Variants in SNORC observed in about 807,000 individuals in gnomAD.
SNORC encodes the protein protein SNORC.
A neutral mutation model predicts 9.7 loss-of-function variants in SNORC; 11 were observed. That is an observed-to-expected ratio of 1.14 (90% CI 0.72 to 1.88). The LOEUF (loss-of-function observed/expected upper bound fraction) is 1.88, where lower values mean the gene tolerates loss of function less well. SNORC is among the 40% of genes most tolerant of loss of function. The pLI is 0.00. For synonymous variants in SNORC, 108 were observed against 88.7 expected (o/e 1.22, Z -1.22); for missense variants, 197 against 173.1 (o/e 1.14, Z -0.77).
chr2:232,869,369 G>T (rs1441733661), upstream of SNORC, among the ~76,000 whole-genome samples: 1 of 152,182 alleles, frequency 6.6e-6, no homozygotes, highest in East Asian at 1.9e-4. Context: ...CAAGCCCTTA[G>T]CGCGGTGGGA....
At chr2:232,875,345 A>AAG (rs35523521) in intron 1 of SNORC, 15 of 208,794 alleles carry the variant, frequency 7.2e-5, no homozygotes, top group East Asian at 3.5e-4. Context: ...CTGTTTCAAA[A>AAG]AGAGAGAGAG....
At chr2:232,868,563 G>A (rs528655758), upstream of SNORC, among the ~76,000 whole-genome samples, 13 of 152,282 alleles carry the variant, frequency 8.5e-5, no homozygotes, top group African/African-American at 2.4e-4. Context: ...TAAAGTTGCC[G>A]GTCTTCACTA....
upstream of SNORC, among the ~76,000 whole-genome samples, chr2:232,867,551 T>A (rs944838939): frequency 1.3e-5 from 2 of 152,248 alleles, no homozygotes; most frequent in African/African-American, 4.8e-5. Flanking sequence ...ATACAATTCA[T>A]TGTCTTGAAA....
At chr2:232,878,643 G>C (rs1691371121), downstream of SNORC, 1 of 152,504 alleles carries the variant, frequency 6.6e-6, no homozygotes, top group Non-Finnish European at 1.5e-5. Flanking sequence ...TCACTACCTG[G>C]AACCAAACAC....
chr2:232,876,510 G>A, downstream of SNORC: 4 of 1,250,176 alleles, frequency 3.2e-6, no homozygotes, highest in Middle Eastern at 3.1e-4. This position sits in a 1 kb window ranked among gnomAD's most constrained non-coding sequence, Gnocchi z 6.8. Flanking sequence ...CGGGGCCGAG[G>A]GTGGGTGCCG....
At chr2:232,877,422 A>T, downstream of SNORC, 1 of 941,502 alleles carries the variant, frequency 1.1e-6, no homozygotes, top group Non-Finnish European at 1.3e-6. Flanking sequence ...CTTGGTCCCT[A>T]CCCCAGTCCC....
chr2:232,875,868 C>T (rs955184625), intron 1 of SNORC, 72 bp from the exon 2 acceptor site: 2 of 1,462,850 alleles, frequency 1.4e-6, no homozygotes, highest in Admixed American at 2.2e-5. Flanking sequence ...ACTTGCTTAA[C>T]CTAGAGGTGG....
chr2:232,878,122 G>C (rs1253479562), downstream of SNORC: 1 of 152,288 alleles, frequency 6.6e-6, no homozygotes, highest in South Asian at 2.1e-4. Context: ...TCTGAGGTCC[G>C]AGCACCCTGC....
At chr2:232,870,983 C>T (rs2592117) in intron 1 of SNORC, among the ~76,000 whole-genome samples, 94,339 of 152,064 alleles carry the variant, frequency 0.62, 29,550 homozygotes, top group East Asian at 0.67. Context: ...TGGGGTCCCA[C>T]GAGAGGGAGG....
At chr2:232,877,129 A>T, downstream of SNORC, 1 of 985,868 alleles carries the variant, frequency 1.0e-6, no homozygotes, top group Non-Finnish European at 1.2e-6. Flanking sequence ...AGGGAGCCTC[A>T]GGAGCAGGAT....
intron 1 of SNORC, 140 bp from the exon 2 acceptor site, chr2:232,875,800 G>A (rs1297074997): frequency 1.1e-6 from 1 of 915,456 alleles, no homozygotes; most frequent in Non-Finnish European, 1.6e-6. Flanking sequence ...TCTTAGCCTG[G>A]GAAATGTGAG....
upstream of SNORC, chr2:232,868,911 A>G (rs1690926985): frequency 6.6e-6 from 1 of 152,182 alleles, no homozygotes; most frequent in African/African-American, 2.4e-5. Flanking sequence ...TTCCCACACC[A>G]TGTTTCTATT....
chr2:232,875,121 C>T (rs1318157824), intron 1 of SNORC, among the ~76,000 whole-genome samples: 1 of 152,152 alleles, frequency 6.6e-6, no homozygotes, highest in Admixed American at 6.5e-5. Context: ...GGGTGTATCA[C>T]CTGAGGTCAG....
chr2:232,874,310 A>C (rs1159343618), intron 1 of SNORC, among the ~76,000 whole-genome samples: 1 of 152,188 alleles, frequency 6.6e-6, no homozygotes, highest in African/African-American at 2.4e-5. Flanking sequence ...TCCTAAGAAC[A>C]AGGACATTCT....
downstream of SNORC, chr2:232,877,794 A>C (rs901246777): frequency 6.6e-6 from 1 of 152,268 alleles, no homozygotes; most frequent in Admixed American, 6.5e-5. Context: ...AAGGAGTGCT[A>C]TGAAACTGAC....
intron 1 of SNORC, 48 bp from the exon 2 acceptor site, chr2:232,875,892 T>C: frequency 6.6e-7 from 1 of 1,506,462 alleles, no homozygotes; most frequent in Non-Finnish European, 8.9e-7. Flanking sequence ...GTGACGTCCC[T>C]GTCGGCCCCG....
At chr2:232,876,874 G>C, downstream of SNORC, 1 of 985,552 alleles carries the variant, frequency 1.0e-6, no homozygotes, top group Non-Finnish European at 1.2e-6. The surrounding 1 kb of genome is among the most constrained non-coding windows in gnomAD (Gnocchi z 6.8). Flanking sequence ...CGCTCCCCGG[G>C]GCCTGCCTCC....
chr2:232,873,113 A>G (rs547850648), intron 1 of SNORC, among the ~76,000 whole-genome samples: 44 of 152,240 alleles, frequency 2.9e-4, no homozygotes, highest in Non-Finnish European at 5.3e-4. Flanking sequence ...GGCGCACCCC[A>G]GGCCAGACGC....
In SNORC at chr2:232,876,378, C is replaced by T. The variant is rs778923366; in HGVS notation, c.*22C>T. ...CTGAAGCGAATAAAGGGGCCGCGCC[C>T]GGCCGCGGCGCGACTCGGCTGCACT... On this transcript the variant is annotated 3_prime_UTR_variant, in exon 3 of 3. Coordinates refer to ENST00000331342, the Ensembl canonical transcript of SNORC. This position sits in a 1 kb window ranked among gnomAD's most constrained non-coding sequence, Gnocchi z 6.8. 3 of 1,507,148 alleles carry T rather than the reference C, an allele frequency of 2.0e-6. No individual in the cohort carries two copies. The South Asian group carries it at 3.6e-5, about 18-fold the overall frequency. The allele number at this position is 1,507,148 out of a possible 1,614,324, so 93.4% of individuals were successfully genotyped here.
Sources: allele counts gnomAD v4.1 joint callset (sites outside exome capture counted in the v4.1 genomes callset), GRCh38; gene constraint gnomAD v4.1.1; non-coding constraint Gnocchi (gnomAD v3.1); transcripts MANE v1.5; gene names NCBI Gene and HGNC (gene_info 2026-07-23, HGNC 2026-07-21).